NRXN1: variants seen among roughly 807,000 people sequenced by gnomAD.
The protein encoded by NRXN1 is neurexin-1.
A neutral mutation model predicts 150.9 loss-of-function variants in NRXN1; 39 were observed. That is an observed-to-expected ratio of 0.26 (90% CI 0.20 to 0.34). The LOEUF (loss-of-function observed/expected upper bound fraction) is 0.34, where lower values mean the gene tolerates loss of function less well. Ranked by LOEUF, NRXN1 falls within the 10% of genes least tolerant of loss-of-function variation. The probability of loss-of-function intolerance (pLI) is 1.00; values close to 1 mark genes in which losing one functional copy is unlikely to be tolerated. For missense variants in NRXN1, 1,815 were observed against 1,949.9 expected (o/e 0.93, Z 1.30); for synonymous variants, 924 against 757.0 (o/e 1.22, Z -3.62).
intron 13 of NRXN1, among the ~76,000 whole-genome samples, chr2:50,504,233 C>G (rs1325336477): frequency 6.7e-6 from 1 of 150,128 alleles, no homozygotes; most frequent in Non-Finnish European, 1.5e-5. Context: ...ATTGAATCAA[C>G]TGACAAAGCT....
At chr2:50,808,889 C>A (rs992109345) in intron 5 of NRXN1, among the ~76,000 whole-genome samples, 2 of 152,074 alleles carry the variant, frequency 1.3e-5, no homozygotes, top group East Asian at 1.9e-4. Flanking sequence ...CAAGAAATTA[C>A]AATTTTGCCA....
At chr2:50,057,891 C>T (rs1404913450) in intron 19 of NRXN1, among the ~76,000 whole-genome samples, 2 of 152,060 alleles carry the variant, frequency 1.3e-5, no homozygotes, top group African/African-American at 4.8e-5. Flanking sequence ...AACATCTCTA[C>T]AATCAGTTCA....
intron 21 of NRXN1, among the ~76,000 whole-genome samples, chr2:49,980,481 A>G (rs1005577500): frequency 2.6e-5 from 4 of 152,192 alleles, no homozygotes; most frequent in African/African-American, 9.6e-5. Context: ...TTTTTTACCA[A>G]GAGAGAAACT....
At chr2:50,765,308 G>A (rs1702257243) in intron 5 of NRXN1, among the ~76,000 whole-genome samples, 1 of 152,032 alleles carries the variant, frequency 6.6e-6, no homozygotes, top group African/African-American at 2.4e-5. Context: ...TCTCTACCAG[G>A]TTAACCATTA....
intron 2 of NRXN1, among the ~76,000 whole-genome samples, chr2:50,994,655 T>C (rs1414390511): frequency 1.3e-5 from 2 of 152,078 alleles, no homozygotes; most frequent in Admixed American, 1.3e-4. Context: ...TTCTGTGTAA[T>C]GCATCCAGAA....
intron 5 of NRXN1, among the ~76,000 whole-genome samples, chr2:50,763,008 C>T (rs1701982043): frequency 6.6e-6 from 1 of 151,866 alleles, no homozygotes; most frequent in Non-Finnish European, 1.5e-5. Flanking sequence ...GGCTACTTAC[C>T]TTTTGTTCTT....
In NRXN1 at chr2:50,557,717, T is replaced by C. The variant is rs114662465; in HGVS notation, c.1321-4692A>G. On this transcript the variant is annotated intron_variant, in intron 8 of 22. Coordinates refer to ENST00000401669, the MANE Select transcript of NRXN1 (RefSeq NM_001330078.2). Reference sequence around the variant, plus strand: ...TCAAGTAAATACTCATTGTTTTTATTAACATTATTATAAATAACATTTCTT... The same window carrying C: ...TCAAGTAAATACTCATTGTTTTTATCAACATTATTATAAATAACATTTCTT... Among the ~76,000 whole-genome samples, 565 of 152,340 alleles carry C rather than the reference T, an allele frequency of 3.7e-3. 4 individuals are homozygous for C. The highest frequency in any genetic ancestry group is 0.012 in the African/African-American group (507 of 41,582).
At chr2:50,455,112 C>T (rs1208272754) in intron 17 of NRXN1, among the ~76,000 whole-genome samples, 1 of 152,170 alleles carries the variant, frequency 6.6e-6, no homozygotes, top group African/African-American at 2.4e-5. Flanking sequence ...ATGTGAAGAA[C>T]AAAGCATGCT....
chr2:50,355,618 CT>C (rs2078743329), intron 17 of NRXN1, among the ~76,000 whole-genome samples: 1 of 152,086 alleles, frequency 6.6e-6, no homozygotes, highest in Non-Finnish European at 1.5e-5. Flanking sequence ...ACTATCTTTT[CT>C]ACTTCCTTCG....
At chr2:50,591,437 TA>T (rs1674224972) in intron 8 of NRXN1, among the ~76,000 whole-genome samples, 1 of 150,024 alleles carries the variant, frequency 6.7e-6, no homozygotes, top group Non-Finnish European at 1.5e-5. Flanking sequence ...GATAGATAGA[TA>T]GATGTATACT....
chr2:50,958,927 T>C (rs555661596), intron 2 of NRXN1, among the ~76,000 whole-genome samples: 1 of 152,124 alleles, frequency 6.6e-6, no homozygotes, highest in Non-Finnish European at 1.5e-5. Flanking sequence ...AAACTAACAT[T>C]GCATTCTACA....
intron 17 of NRXN1, among the ~76,000 whole-genome samples, chr2:50,418,147 A>G (rs954019793): frequency 6.6e-6 from 1 of 151,998 alleles, no homozygotes; most frequent in African/African-American, 2.4e-5. Context: ...AGAGTTATTT[A>G]GGAGATGAAA....
At chr2:50,981,601 C>A (rs1259648326) in intron 2 of NRXN1, among the ~76,000 whole-genome samples, 3 of 150,988 alleles carry the variant, frequency 2.0e-5, no homozygotes, top group Non-Finnish European at 4.4e-5. Flanking sequence ...TGTCATACAT[C>A]TATTAATGAT....
At chr2:50,701,512 T>C (rs1047231919) in intron 5 of NRXN1, among the ~76,000 whole-genome samples, 4 of 152,172 alleles carry the variant, frequency 2.6e-5, no homozygotes, top group African/African-American at 7.2e-5. Flanking sequence ...CTTGAGAGTC[T>C]TGCATTTTTC....
intron 5 of NRXN1, among the ~76,000 whole-genome samples, chr2:50,685,778 A>G (rs1402551521): frequency 6.6e-6 from 1 of 152,142 alleles, no homozygotes; most frequent in Non-Finnish European, 1.5e-5. Context: ...TGAACCTAAA[A>G]GGTGATGCAT....
At chr2:50,978,292 AT>A (rs1458668550) in intron 2 of NRXN1, among the ~76,000 whole-genome samples, 3 of 131,700 alleles carry the variant, frequency 2.3e-5, no homozygotes, top group South Asian at 2.4e-4. Flanking sequence ...ATATATATAT[AT>A]ATATATATAT....
chr2:50,775,062 GC>G (rs1703445171), intron 5 of NRXN1, among the ~76,000 whole-genome samples: 1 of 151,930 alleles, frequency 6.6e-6, no homozygotes, highest in South Asian at 2.1e-4. Flanking sequence ...TCCATCCTTT[GC>G]TTTAAGCACA....
intron 5 of NRXN1, among the ~76,000 whole-genome samples, chr2:50,678,932 A>G (rs1689944746): frequency 6.6e-6 from 1 of 152,072 alleles, no homozygotes; most frequent in Non-Finnish European, 1.5e-5. Flanking sequence ...TTATGAGACT[A>G]TGGACTGCAC....
At chr2:50,613,606 GC>G (rs1419454437) in intron 8 of NRXN1, among the ~76,000 whole-genome samples, 1 of 152,138 alleles carries the variant, frequency 6.6e-6, no homozygotes, top group African/African-American at 2.4e-5. Context: ...TTTCTCATAG[GC>G]TATTAATCTT....
Sources: allele counts gnomAD v4.1 joint callset (sites outside exome capture counted in the v4.1 genomes callset), GRCh38; gene constraint gnomAD v4.1.1; transcripts MANE v1.5; gene names NCBI Gene and HGNC (gene_info 2026-07-23, HGNC 2026-07-21).